NUDT3: variants seen among roughly 807,000 people sequenced by gnomAD.
The protein encoded by NUDT3 is diphosphoinositol polyphosphate phosphohydrolase 1.
A neutral mutation model predicts 23.6 loss-of-function variants in NUDT3; 9 were observed. The ratio of observed to expected loss-of-function variants is 0.38; its 90% CI spans 0.23 to 0.66. The LOEUF is 0.66. Ranked by LOEUF, NUDT3 falls within the 30% of genes least tolerant of loss-of-function variation. NUDT3 has a pLI of 0.52. For synonymous variants in NUDT3, 86 were observed against 82.6 expected (o/e 1.04, Z -0.22); for missense variants, 172 against 218.5 (o/e 0.79, Z 1.34).
intron 2 of NUDT3, among the ~76,000 whole-genome samples, chr6:34,340,271 G>A (rs951395223): frequency 2.0e-5 from 3 of 152,082 alleles, no homozygotes; most frequent in Admixed American, 1.3e-4. Flanking sequence ...CTTATTATGC[G>A]ATATAATAAG....
In NUDT3 at chr6:34,286,611, G is replaced by C. The variant is rs867366279; in HGVS notation, c.*2142C>G. 4 of 151,988 alleles carry C rather than the reference G, an allele frequency of 2.6e-5. No individual in the cohort carries two copies. In the Middle Eastern group the frequency reaches 0.01, roughly 388 times the overall value. The allele number at this position is 151,988 out of a possible 1,614,324, so 9.4% of individuals were successfully genotyped here. On this transcript the variant is annotated 3_prime_UTR_variant, in exon 5 of 5. Coordinates refer to ENST00000607016, the MANE Select transcript of NUDT3 (RefSeq NM_006703.4). ...AGAAGGATGTGTGAATAGTAAGTTG[G>C]CATTCAGACTCAAGTCCCATGGTAT...
chr6:34,334,671 C>A (rs776848151), intron 2 of NUDT3, among the ~76,000 whole-genome samples: 12 of 149,934 alleles, frequency 8.0e-5, no homozygotes, highest in Non-Finnish European at 1.8e-4. Flanking sequence ...CCAAGTACAA[C>A]GGCCTACACC....
rs538947277 is a variant in NUDT3, at chr6:34,285,450, G to C, written c.*3303C>G. 6.6e-6 allele frequency: 1 copy of C among 152,184 alleles called. No individual in the cohort carries two copies. The highest frequency in any genetic ancestry group is 1.5e-5 in the Non-Finnish European group (1 of 68,054). 9.4% of individuals were successfully genotyped at this position (152,184 alleles called of 1,614,324 possible). ...CCACTGCTATCTTCTTCTGTCCTGA[G>C]TTTGGTAGACTTTAATGGATGCTCC... is the stretch of plus-strand genomic sequence containing the variant. On this transcript the variant is annotated 3_prime_UTR_variant, in exon 5 of 5. Transcript: ENST00000607016.
At chr6:34,361,267 T>C (rs1764646927) in intron 1 of NUDT3, among the ~76,000 whole-genome samples, 1 of 152,080 alleles carries the variant, frequency 6.6e-6, no homozygotes, top group Admixed American at 6.6e-5. Flanking sequence ...TAAATGAATA[T>C]AAAAAGATGT....
chr6:34,340,868 A>G (rs1301584988), intron 2 of NUDT3, among the ~76,000 whole-genome samples: 2 of 152,230 alleles, frequency 1.3e-5, no homozygotes, highest in Non-Finnish European at 2.9e-5. Flanking sequence ...AATGAGAGTG[A>G]CATAAGCCAA....
In NUDT3 at chr6:34,342,166, C is replaced by T. The variant is rs184472397; in HGVS notation, c.100-194G>A. On this transcript the variant is annotated intron_variant, in intron 1 of 4. Coordinates refer to ENST00000607016, the MANE Select transcript of NUDT3 (RefSeq NM_006703.4). The stretch of plus-strand genomic sequence containing the variant: ...GCATCAGCTAGTAAAAGCAGAAGGG[C>T]ATCTGAAGGCCATTATCTCTACACT... 5.3e-5 allele frequency among the ~76,000 whole-genome samples: 8 copies of T among 151,998 alleles called. No individual in the cohort carries two copies. In the East Asian group the frequency reaches 5.8e-4, roughly 11 times the overall value.
At chr6:34,334,311 A>G (rs1764173131) in intron 2 of NUDT3, among the ~76,000 whole-genome samples, 1 of 152,186 alleles carries the variant, frequency 6.6e-6, no homozygotes, top group Admixed American at 6.5e-5. Flanking sequence ...AGCACTTGAG[A>G]TATGTGTTGA....
intron 2 of NUDT3, among the ~76,000 whole-genome samples, chr6:34,312,401 C>CA (rs71000050): frequency 0.032 from 3,151 of 97,082 alleles, 32 homozygotes; most frequent in Middle Eastern, 0.072. Flanking sequence ...GACTCATCAC[C>CA]AAAAAAAAAA....
Position 34,279,717 on chromosome 6 carries a change from TTACAACC to T in NUDT3, c.*9029_*9035del, listed in dbSNP as rs1763260851. ...CTGGTTTTTATTGGTTGGCACAAGA[TTACAACC>T]TACAATTTCAATGCCCTTCCCTCCC... On this transcript the variant is annotated 3_prime_UTR_variant, in exon 5 of 5. Coordinates refer to ENST00000607016, the MANE Select transcript of NUDT3 (RefSeq NM_006703.4). 1 of 152,120 alleles carries T rather than the reference TTACAACC, an allele frequency of 6.6e-6. No homozygotes were observed. The highest frequency in any genetic ancestry group is 2.1e-4 in the South Asian group (1 of 4,826). The allele number at this position is 152,120 out of a possible 1,614,324, so 9.4% of individuals were successfully genotyped here. A position where few individuals can be genotyped will look rare whatever the true frequency, so the allele number is the denominator to read the frequency against.
intron 2 of NUDT3, among the ~76,000 whole-genome samples, chr6:34,314,194 G>A (rs944198634): frequency 1.3e-5 from 2 of 152,042 alleles, no homozygotes; most frequent in African/African-American, 2.4e-5. Context: ...AGGCCAAGGC[G>A]GGTGGATCAC....
chr6:34,303,862 G>A lies in NUDT3; in HGVS notation c.211-8177C>T, dbSNP rs545180872. On this transcript the variant is annotated intron_variant, in intron 2 of 4. Transcript: ENST00000607016. ...TGTCATTCGTTTAAGTATTGTCTAC[G>A]GCTGCTTTCACATCACAATAGGAGA... is the stretch of plus-strand genomic sequence containing the variant. Among the ~76,000 whole-genome samples the A allele has an allele frequency of 2.6e-5, 4 of 152,168 alleles. No homozygotes were observed. In the East Asian group the frequency reaches 5.8e-4, roughly 22 times the overall value.
intron 1 of NUDT3, among the ~76,000 whole-genome samples, chr6:34,345,615 A>G (rs1378925895): frequency 7.2e-6 from 1 of 139,260 alleles, no homozygotes; most frequent in Non-Finnish European, 1.5e-5. Context: ...GTGAACCGAG[A>G]TTGCGCCACG....
At chr6:34,334,910 GAAGAA>G (rs1764184314) in intron 2 of NUDT3, among the ~76,000 whole-genome samples, 2 of 143,036 alleles carry the variant, frequency 1.4e-5, no homozygotes, top group African/African-American at 5.2e-5. Flanking sequence ...TCTAGCCTGA[GAAGAA>G]AAGAAAAAGA....
At position 34,297,760 on chromosome 6, in the gene NUDT3, A is replaced by ATATATATATATTTTTT. The variant is rs1763535832; in HGVS notation, c.211-2076_211-2075insAAAAAATATATATATA. ...ATATATATATATATATATATATATAATTTTTTTTTTTTTTTTAGTAGAGAC... is the reference window on the plus strand; with the variant it reads ...ATATATATATATATATATATATATAATATATATATATTTTTTTTTTTTTTTTTTTTTTAGTAGAGAC... On this transcript the variant is annotated intron_variant, in intron 2 of 4. Coordinates refer to ENST00000607016, the MANE Select transcript of NUDT3 (RefSeq NM_006703.4). Among the ~76,000 whole-genome samples the ATATATATATATTTTTT allele has an allele frequency of 5.1e-3, 274 of 53,398 alleles. 3 individuals carry two copies. The highest frequency in any genetic ancestry group is 7.8e-3 in the Non-Finnish European group (251 of 32,260). The allele number at this position is 53,398 out of a possible 152,430, so 35.0% of individuals were successfully genotyped here.
At chr6:34,371,052 A>G (rs1365312713) in intron 1 of NUDT3, among the ~76,000 whole-genome samples, 3 of 151,780 alleles carry the variant, frequency 2.0e-5, no homozygotes, top group Non-Finnish European at 4.4e-5. Context: ...CAGAGGTTGC[A>G]GTGAACCGAG....
chr6:34,290,430 A>T (rs1763403647), intron 4 of NUDT3, among the ~76,000 whole-genome samples: 1 of 145,860 alleles, frequency 6.9e-6, no homozygotes. Flanking sequence ...TTTTGGTATA[A>T]ATGAGGTCTC....
At chr6:34,388,006 A>AT (rs1359710363) in intron 1 of NUDT3, among the ~76,000 whole-genome samples, 17 of 152,068 alleles carry the variant, frequency 1.1e-4, no homozygotes, top group Non-Finnish European at 2.4e-4. Flanking sequence ...CAGGTGAACC[A>AT]TTTTTTATTT....
intron 1 of NUDT3, among the ~76,000 whole-genome samples, chr6:34,389,759 T>A (rs998425845): frequency 6.6e-6 from 1 of 152,046 alleles, no homozygotes; most frequent in African/African-American, 2.4e-5. Context: ...GTCAGGAGAT[T>A]GAGACCATCC....
chr6:34,293,984 A>C (rs1415395905), intron 3 of NUDT3, among the ~76,000 whole-genome samples: 2 of 151,720 alleles, frequency 1.3e-5, no homozygotes, highest in Non-Finnish European at 2.9e-5. Context: ...TTTTCCCACT[A>C]ACCCCACTTA....
Sources: gnomAD v4.1 joint callset for allele counts (sites outside exome capture counted in the v4.1 genomes callset) on GRCh38, gnomAD v4.1.1 for gene constraint, MANE v1.5 for transcripts, NCBI Gene and HGNC (gene_info 2026-07-23, HGNC 2026-07-21) for gene names.